Variants in CFAP77 observed in about 807,000 individuals in gnomAD.
The protein encoded by CFAP77 is cilia and flagella associated protein 77.
In CFAP77, 25 loss-of-function variants were observed where a neutral mutation model predicts 31.1. That is an observed-to-expected ratio of 0.80 (90% CI 0.59 to 1.12). CFAP77 has a LOEUF of 1.12. Among genes scored for constraint, CFAP77 ranks in the 50% most tolerant of loss-of-function variants. The pLI, the probability that CFAP77 is intolerant of heterozygous loss-of-function variation, is 0.00. For synonymous variants in CFAP77, 151 were observed against 159.9 expected (o/e 0.94, Z 0.42); for missense variants, 377 against 397.3 (o/e 0.95, Z 0.44).
chr9:132,524,642 A>ATATT (rs535842037), intron 3 of CFAP77, among the ~76,000 whole-genome samples: 175 of 151,382 alleles, frequency 1.2e-3, no homozygotes, highest in African/African-American at 3.4e-3. Context: ...GACACGTGCC[A>ATATT]TATTTATTTA....
intron 1 of CFAP77, among the ~76,000 whole-genome samples, chr9:132,443,124 A>G (rs1351950074): frequency 6.6e-6 from 1 of 152,214 alleles, no homozygotes; most frequent in Non-Finnish European, 1.5e-5. Flanking sequence ...TGTCGCAGCA[A>G]GTATCAGTAC....
At chr9:132,449,563 C>T (rs905299014) in intron 1 of CFAP77, among the ~76,000 whole-genome samples, 4 of 152,148 alleles carry the variant, frequency 2.6e-5, no homozygotes, top group Non-Finnish European at 5.9e-5. Context: ...TGGGCTACCA[C>T]AATTCACTTA....
chr9:132,410,512 G>A (rs1307962009), intron 1 of CFAP77, 46 bp downstream of exon 1: 6 of 1,478,972 alleles, frequency 4.1e-6, no homozygotes, highest in Non-Finnish European at 5.4e-6. Flanking sequence ...CCGGCTCCGG[G>A]CACCTGCGCC....
At chr9:132,446,984 G>C (rs941902394) in intron 1 of CFAP77, among the ~76,000 whole-genome samples, 1 of 152,034 alleles carries the variant, frequency 6.6e-6, no homozygotes, top group African/African-American at 2.4e-5. Flanking sequence ...CAAACTCCTG[G>C]GCTCAAGTGC....
chr9:132,437,777 C>T (rs1247194922), intron 1 of CFAP77, among the ~76,000 whole-genome samples: 8 of 151,336 alleles, frequency 5.3e-5, no homozygotes, highest in Non-Finnish European at 1.2e-4. Context: ...TCCCAAAGTG[C>T]TGGGATTACA....
At chr9:132,572,309 G>A in intron 5 of CFAP77, 79 bp from the exon 6 acceptor site, 1 of 1,463,960 alleles carries the variant, frequency 6.8e-7, no homozygotes, top group African/African-American at 1.4e-5. Context: ...ATTGAAGCAG[G>A]GGGCAGGCGA....
chr9:132,449,222 TAA>T (rs1850778506), intron 1 of CFAP77, among the ~76,000 whole-genome samples: 1 of 152,128 alleles, frequency 6.6e-6, no homozygotes, highest in Admixed American at 6.5e-5. Flanking sequence ...ACAGTAGAAA[TAA>T]AGAACAATTT....
intron 1 of CFAP77, among the ~76,000 whole-genome samples, chr9:132,478,459 A>G (rs1030364624): frequency 7.2e-5 from 11 of 152,206 alleles, no homozygotes; most frequent in African/African-American, 2.4e-4. Context: ...GTACTCGCCG[A>G]GAACAGGAGC....
chr9:132,553,777 C>A (rs554075927), intron 5 of CFAP77, among the ~76,000 whole-genome samples: 143 of 152,352 alleles, frequency 9.4e-4, no homozygotes, highest in Middle Eastern at 3.4e-3. Context: ...CATTCTCTAC[C>A]TTTATCCACA....
intron 5 of CFAP77, among the ~76,000 whole-genome samples, chr9:132,559,335 ACT>A (rs1338884885): frequency 7.9e-6 from 1 of 126,388 alleles, no homozygotes; most frequent in African/African-American, 3.1e-5. Context: ...TCAGAGTGAG[ACT>A]CTGTCTTGCA....
chr9:132,543,630 A>C (rs1407756444), intron 5 of CFAP77, among the ~76,000 whole-genome samples: 1 of 152,220 alleles, frequency 6.6e-6, no homozygotes, highest in Non-Finnish European at 1.5e-5. Context: ...GGTGCAAGAC[A>C]GATGCATGCC....
In CFAP77 at chr9:132,499,284, C is replaced by G; in HGVS notation, c.296-88C>G. 1 of 1,185,144 alleles carries G rather than the reference C, an allele frequency of 8.4e-7. No individual in the cohort carries two copies. Among genetic ancestry groups the G allele is most frequent in the Non-Finnish European group, 1.2e-6 (1 of 821,602 alleles). 73.4% of individuals were successfully genotyped at this position (1,185,144 alleles called of 1,614,324 possible). On this transcript the variant is annotated intron_variant, in intron 2 of 5. Coordinates refer to ENST00000393216, the MANE Select transcript of CFAP77 (RefSeq NM_001282957.2). The surrounding 1 kb of genome is among the most constrained non-coding windows in gnomAD (Gnocchi z 5.4). Reference sequence around the variant, plus strand: ...CAGGTAAATGGGAAGGCCGAGGACCCGCGTGCCCCCATTTCTTCTCGATCA... The same window carrying G: ...CAGGTAAATGGGAAGGCCGAGGACCGGCGTGCCCCCATTTCTTCTCGATCA...
chr9:132,425,269 A>G (rs1366342196), intron 1 of CFAP77, among the ~76,000 whole-genome samples: 2 of 152,010 alleles, frequency 1.3e-5, no homozygotes, highest in Admixed American at 6.6e-5. Flanking sequence ...AACTTTTCCA[A>G]TCAAGTGGAA....
intron 5 of CFAP77, among the ~76,000 whole-genome samples, chr9:132,544,843 G>A (rs1312247429): frequency 2.0e-5 from 3 of 152,122 alleles, no homozygotes; most frequent in African/African-American, 4.8e-5. Context: ...TCATGGGGAC[G>A]CTGCCTGAGG....
rs1404872167 is a variant in CFAP77, at chr9:132,539,163, G to A, written c.630+1457G>A. ...AAATATTCTGAAACTCGAGCTTTCAGAGAGATCAGATTGGCCTCCTCGGCA... is the reference window on the plus strand; with the variant it reads ...AAATATTCTGAAACTCGAGCTTTCAAAGAGATCAGATTGGCCTCCTCGGCA... On this transcript the variant is annotated intron_variant, in intron 4 of 5. Transcript: ENST00000393216. The surrounding 1 kb of genome is among the most constrained non-coding windows in gnomAD (Gnocchi z 4.3). Among the ~76,000 whole-genome samples the A allele has an allele frequency of 6.6e-6, 1 of 152,200 alleles. No homozygotes were observed. Among genetic ancestry groups the A allele is most frequent in the East Asian group, 1.9e-4 (1 of 5,202 alleles).
At chr9:132,533,718 T>C (rs1001865074) in intron 3 of CFAP77, among the ~76,000 whole-genome samples, 30 of 152,034 alleles carry the variant, frequency 2.0e-4, no homozygotes, top group African/African-American at 7.0e-4. Flanking sequence ...CCATCTCTTC[T>C]AAAAATGCAA....
intron 3 of CFAP77, among the ~76,000 whole-genome samples, chr9:132,510,612 A>G (rs1852019474): frequency 6.6e-6 from 1 of 152,194 alleles, no homozygotes; most frequent in African/African-American, 2.4e-5. Context: ...CGCGTCATGC[A>G]GAGGAGCGGT....
At chr9:132,451,237 C>G (rs959924550) in intron 1 of CFAP77, among the ~76,000 whole-genome samples, 5 of 151,432 alleles carry the variant, frequency 3.3e-5, no homozygotes, top group African/African-American at 7.3e-5. Flanking sequence ...ACTTGGGAGG[C>G]TGAGGCAGGA....
rs1216253706 is a variant in CFAP77, at chr9:132,455,559, A to C, written c.196-43136A>C. 6.6e-6 allele frequency among the ~76,000 whole-genome samples: 1 copy of C among 151,400 alleles called. No homozygotes were observed. The highest frequency in any genetic ancestry group is 1.5e-5 in the Non-Finnish European group (1 of 67,856). ...AGCCTGGGCAACATGGCGAGACCCT[A>C]TCTCTACTAAAAATACAAAAAAATA... On this transcript the variant is annotated intron_variant, in intron 1 of 5. Coordinates refer to ENST00000393216, the MANE Select transcript of CFAP77 (RefSeq NM_001282957.2). The surrounding 1 kb of genome is among the most constrained non-coding windows in gnomAD (Gnocchi z 4.1).
Sources: allele counts gnomAD v4.1 joint callset (sites outside exome capture counted in the v4.1 genomes callset), GRCh38; gene constraint gnomAD v4.1.1; non-coding constraint Gnocchi (gnomAD v3.1); transcripts MANE v1.5; gene names NCBI Gene and HGNC (gene_info 2026-07-23, HGNC 2026-07-21).